Variants in SPON1 observed in about 807,000 individuals in gnomAD.
The protein encoded by SPON1 is spondin 1.
In SPON1, 52 loss-of-function variants were observed where a neutral mutation model predicts 111.7. That is an observed-to-expected ratio of 0.47 (90% confidence interval 0.37 to 0.59). The LOEUF (loss-of-function observed/expected upper bound fraction) is 0.59. SPON1 is among the 20% of genes least tolerant of loss of function. SPON1 has a pLI of 0.00. For synonymous variants in SPON1, 410 were observed against 395.8 expected (o/e 1.04, Z -0.43); for missense variants, 957 against 1,068.5 (o/e 0.90, Z 1.46).
Position 13,962,772 on chromosome 11 carries a change from A to G in SPON1, c.-133A>G. 1 of 795,774 alleles carries G rather than the reference A, an allele frequency of 1.3e-6. No individual in the cohort carries two copies. Among genetic ancestry groups the G allele is most frequent in the Non-Finnish European group, 1.8e-6 (1 of 543,170 alleles). 49.3% of individuals were successfully genotyped at this position (795,774 alleles called of 1,614,324 possible). On this transcript the variant is annotated 5_prime_UTR_variant, in exon 1 of 16. Transcript: ENST00000576479. Reference sequence around the variant, plus strand: ...CAAGCCGAGGCGGGCACGGTCTCCGAGTCGCGGACGCCAGCTCCGAGCTCC... The same window carrying G: ...CAAGCCGAGGCGGGCACGGTCTCCGGGTCGCGGACGCCAGCTCCGAGCTCC...
At chr11:14,122,496 C>T (rs1564909838) in intron 5 of SPON1, among the ~76,000 whole-genome samples, 2 of 152,168 alleles carry the variant, frequency 1.3e-5, no homozygotes, top group African/African-American at 2.4e-5. Flanking sequence ...ATTTTTCTAA[C>T]TCAATCTATC....
intron 5 of SPON1, among the ~76,000 whole-genome samples, chr11:14,101,538 T>C (rs1554924380): frequency 6.6e-6 from 1 of 152,180 alleles, no homozygotes; most frequent in East Asian, 1.9e-4. Flanking sequence ...TCCTCCTTTT[T>C]TCTCTTTCTG....
At chr11:14,192,790 G>A (rs782064129) in intron 6 of SPON1, among the ~76,000 whole-genome samples, 5 of 150,708 alleles carry the variant, frequency 3.3e-5, no homozygotes, top group Non-Finnish European at 2.9e-5. Context: ...AGTTGTGCCC[G>A]GGGGAGAACA....
chr11:13,983,824 C>A (rs1216112669), intron 2 of SPON1, among the ~76,000 whole-genome samples: 2 of 152,162 alleles, frequency 1.3e-5, no homozygotes, highest in African/African-American at 2.4e-5. Flanking sequence ...AAGAAAAAAA[C>A]TCAGAGAATA....
chr11:14,254,774 G>A (rs782138225), intron 8 of SPON1, 45 bp downstream of exon 8: 205 of 1,576,230 alleles, frequency 1.3e-4, no homozygotes, highest in Middle Eastern at 4.2e-4. Flanking sequence ...TTGCCTACCC[G>A]CTTCCTGAGT....
chr11:14,026,439 A>T (rs1362678688), intron 2 of SPON1, among the ~76,000 whole-genome samples: 1 of 152,212 alleles, frequency 6.6e-6, no homozygotes, highest in African/African-American at 2.4e-5. Flanking sequence ...TCTGTGCATG[A>T]TGTCTGCCAT....
intron 3 of SPON1, among the ~76,000 whole-genome samples, chr11:14,073,587 C>A (rs1727027028): frequency 6.6e-6 from 1 of 152,176 alleles, no homozygotes; most frequent in African/African-American, 2.4e-5. Context: ...TCTTTCAAAC[C>A]TCAGCTCTGC....
At chr11:14,191,300 G>T (rs782797552) in intron 6 of SPON1, among the ~76,000 whole-genome samples, 1 of 152,136 alleles carries the variant, frequency 6.6e-6, no homozygotes, top group South Asian at 2.1e-4. Flanking sequence ...GCACTCGTAG[G>T]TTATGTTATA....
At chr11:14,100,460 C>T (rs565061410) in intron 5 of SPON1, among the ~76,000 whole-genome samples, 2 of 151,874 alleles carry the variant, frequency 1.3e-5, no homozygotes, top group African/African-American at 2.4e-5. Context: ...GTGATTTGAT[C>T]CATTTTTTTG....
At chr11:14,219,211 C>T (rs1234244295) in intron 6 of SPON1, among the ~76,000 whole-genome samples, 2 of 152,188 alleles carry the variant, frequency 1.3e-5, no homozygotes, top group African/African-American at 2.4e-5. Flanking sequence ...TTTATGGAGC[C>T]TTCCTATTTC....
chr11:14,229,864 T>A (rs782238317), intron 6 of SPON1, among the ~76,000 whole-genome samples: 1 of 152,130 alleles, frequency 6.6e-6, no homozygotes, highest in Non-Finnish European at 1.5e-5. Flanking sequence ...AAGAGCGTTT[T>A]CACAGTCAGA....
At position 14,259,585 on chromosome 11, in the gene SPON1, C is replaced by A. The variant is rs781819730; in HGVS notation, c.1715C>A (p.Ala572Asp). ...TGGGGCGAGTGGGACGAGTGCAGCGCCACCTGCGGCATGGGCATGAAGAAG... is the reference window on the plus strand; with the variant it reads ...TGGGGCGAGTGGGACGAGTGCAGCGACACCTGCGGCATGGGCATGAAGAAG... ...TEWGEWDECS[A>D]TCGMGMKKRH... The change falls in exon 13 of 16, where the codon GCC becomes GAC. Residue 572 changes from alanine to aspartate, a missense_variant. By Grantham distance (126) the Ala-to-Asp change is moderately radical (BLOSUM62 -2). Transcript: ENST00000576479. The surrounding 1 kb of genome is among the most constrained non-coding windows in gnomAD (Gnocchi z 5.0). The A allele has an allele frequency of 5.9e-5, 92 of 1,553,740 alleles. No individual in the cohort carries two copies. The highest frequency in any genetic ancestry group is 7.6e-5 in the Non-Finnish European group (87 of 1,148,808).
At chr11:14,151,115 T>C (rs1312222564) in intron 6 of SPON1, among the ~76,000 whole-genome samples, 7 of 152,228 alleles carry the variant, frequency 4.6e-5, no homozygotes, top group South Asian at 4.1e-4. Flanking sequence ...CAAAGAGCCA[T>C]ATGCGAATGC....
intron 2 of SPON1, among the ~76,000 whole-genome samples, chr11:14,007,501 T>A (rs1554913275): frequency 6.6e-6 from 1 of 150,626 alleles, no homozygotes. Context: ...CATTGACAGC[T>A]AATTAGATGG....
At chr11:14,019,063 A>G (rs1043731874) in intron 2 of SPON1, among the ~76,000 whole-genome samples, 6 of 152,192 alleles carry the variant, frequency 3.9e-5, no homozygotes, top group Admixed American at 3.9e-4. Flanking sequence ...TGACCAAGAC[A>G]GAGTTTGAAT....
intron 2 of SPON1, among the ~76,000 whole-genome samples, chr11:14,037,102 CT>C (rs138249328): frequency 9.3e-5 from 14 of 151,020 alleles, no homozygotes; most frequent in African/African-American, 2.9e-4. Context: ...AAGGTCTCAG[CT>C]TTTTTTTTAA....
At position 14,160,711 on chromosome 11, in the gene SPON1, A is replaced by T. The variant is rs370966935; in HGVS notation, c.825+25143A>T. ...TATATTTATATATTTATATATATTT[A>T]TATATATTTATATATTTATATATAT... is the stretch of plus-strand genomic sequence containing the variant. On this transcript the variant is annotated intron_variant, in intron 6 of 15. Coordinates refer to ENST00000576479, the MANE Select transcript of SPON1 (RefSeq NM_006108.4). Among the ~76,000 whole-genome samples, 23 of 10,036 alleles carry T rather than the reference A, an allele frequency of 2.3e-3. 3 individuals are homozygous for T. The highest frequency in any genetic ancestry group is 0.012 in the African/African-American group (18 of 1,490). 6.6% of individuals were successfully genotyped at this position (10,036 alleles called of 152,430 possible).
intron 6 of SPON1, among the ~76,000 whole-genome samples, chr11:14,184,278 T>C (rs2133888671): frequency 6.6e-6 from 1 of 152,310 alleles, no homozygotes; most frequent in African/African-American, 2.4e-5. Flanking sequence ...GCTATTACAA[T>C]CATGATTGCA....
At chr11:14,199,837 G>A (rs976189236) in intron 6 of SPON1, among the ~76,000 whole-genome samples, 1 of 152,176 alleles carries the variant, frequency 6.6e-6, no homozygotes, top group African/African-American at 2.4e-5. Context: ...CCCTGCCTTA[G>A]AGCATGAAGC....
Sources: allele counts gnomAD v4.1 joint callset (sites outside exome capture counted in the v4.1 genomes callset), GRCh38; gene constraint gnomAD v4.1.1; non-coding constraint Gnocchi (gnomAD v3.1); transcripts MANE v1.5; gene names NCBI Gene and HGNC (gene_info 2026-07-23, HGNC 2026-07-21).